SNTG2: variants seen among roughly 807,000 people sequenced by gnomAD.
SNTG2 encodes syntrophin gamma 2, also known as gamma-2-syntrophin.
SNTG2 carries 74 observed loss-of-function variants against 70.9 expected under a neutral mutation model. The ratio of observed to expected loss-of-function variants is 1.04; its 90% CI spans 0.86 to 1.27. SNTG2 has a LOEUF of 1.27. SNTG2 is among the 50% of genes most tolerant of loss of function. SNTG2 has a pLI of 0.00. For missense variants in SNTG2, 717 were observed against 690.7 expected, an observed-to-expected ratio of 1.04 and a Z score of -0.43; for synonymous variants, 278 against 273.8, an observed-to-expected ratio of 1.02 and a Z score of -0.15.
rs1230095076 is a variant in SNTG2, at chr2:1,286,007, A to G, written c.1284+18436A>G. Among the ~76,000 whole-genome samples the G allele has an allele frequency of 9.2e-5, 14 of 152,184 alleles. 1 individual carries two copies. The highest frequency in any genetic ancestry group is 7.7e-4 in the East Asian group (4 of 5,190). On this transcript the variant is annotated intron_variant, in intron 14 of 16. Coordinates refer to ENST00000308624, the MANE Select transcript of SNTG2 (RefSeq NM_018968.4). ...GATTTCATCTTGATACTCCAGGTCA[A>G]TCGCCCCAGCCAACACTGTAACTCC...
chr2:1,301,993 G>A (rs1168338293), intron 14 of SNTG2, among the ~76,000 whole-genome samples: 1 of 150,682 alleles, frequency 6.6e-6, no homozygotes, highest in Non-Finnish European at 1.5e-5. Flanking sequence ...ACAGAGTCTC[G>A]CTCTGTCACC....
intron 16 of SNTG2, among the ~76,000 whole-genome samples, chr2:1,339,370 T>C (rs936022401): frequency 3.9e-5 from 6 of 152,262 alleles, no homozygotes; most frequent in African/African-American, 1.4e-4. Context: ...TTTATTTTGA[T>C]CAAGTCCACT....
chr2:1,264,907 C>A (rs948868366), intron 13 of SNTG2, among the ~76,000 whole-genome samples: 28 of 152,266 alleles, frequency 1.8e-4, no homozygotes, highest in South Asian at 1.2e-3. Context: ...GTATAACATA[C>A]AGAATATGTG....
chr2:1,223,496 C>G (rs1433403487), intron 9 of SNTG2, among the ~76,000 whole-genome samples: 1 of 152,252 alleles, frequency 6.6e-6, no homozygotes, highest in Non-Finnish European at 1.5e-5. Flanking sequence ...CCTGGGATCC[C>G]TGTGCTCCTA....
chr2:958,022 C>G (rs1213295032), intron 1 of SNTG2, among the ~76,000 whole-genome samples: 1 of 152,120 alleles, frequency 6.6e-6, no homozygotes, highest in Non-Finnish European at 1.5e-5. Context: ...TAGAACTTAC[C>G]TAATTGCTAA....
At chr2:1,258,556 C>A (rs9330338) in intron 12 of SNTG2, among the ~76,000 whole-genome samples, 45,490 of 151,928 alleles carry the variant, frequency 0.3, 7,568 homozygotes, top group African/African-American at 0.45. Context: ...CCAGAAGGTC[C>A]CCAATTAATT....
intron 1 of SNTG2, among the ~76,000 whole-genome samples, chr2:1,039,557 C>T (rs908682491): frequency 2.0e-5 from 3 of 152,110 alleles, no homozygotes; most frequent in Admixed American, 2.0e-4. Flanking sequence ...GACTGGTCTT[C>T]CTTGTTTTCT....
rs1661219851 is a variant in SNTG2, at chr2:984,042, G to C, written c.72+32974G>C. 2.0e-5 allele frequency among the ~76,000 whole-genome samples: 3 copies of C among 152,312 alleles called. No homozygotes were observed. In the South Asian group the frequency reaches 6.2e-4, roughly 32 times the overall value. On this transcript the variant is annotated intron_variant, in intron 1 of 16. Transcript: ENST00000308624. ...CACCCCTTTGTTGAAGGGCTGCAGA[G>C]AGGGGCGGTGGCACCAAGCTGCCCC...
At chr2:1,137,124 G>A (rs1668437568) in intron 4 of SNTG2, among the ~76,000 whole-genome samples, 1 of 152,154 alleles carries the variant, frequency 6.6e-6, no homozygotes, top group South Asian at 2.1e-4. Flanking sequence ...TTATGAAGAG[G>A]CCAATCTAGC....
rs576474398 is a variant in SNTG2 at position 1,126,834 on chromosome 2, A to C, written c.326-10788A>C. Among the ~76,000 whole-genome samples the C allele has an allele frequency of 1.8e-4, 28 of 152,212 alleles. 3 individuals carry two copies. Among genetic ancestry groups the C allele is most frequent in the African/African-American group, 6.7e-4 (28 of 41,536 alleles). On this transcript the variant is annotated intron_variant, in intron 4 of 16. Coordinates refer to ENST00000308624, the MANE Select transcript of SNTG2 (RefSeq NM_018968.4). ...TAGGATTATTTGTTTTTTGCTGTCG[A>C]GAGATTTGAGTTCCTTGTATATGCT... is the stretch of plus-strand genomic sequence containing the variant.
At chr2:1,139,216 G>T (rs1304452062) in intron 6 of SNTG2, among the ~76,000 whole-genome samples, 3 of 151,950 alleles carry the variant, frequency 2.0e-5, no homozygotes, top group Admixed American at 6.5e-5. Flanking sequence ...CAGTTTTTTT[G>T]TTTGTTTGTT....
At chr2:1,112,172 T>C (rs1418798932) in intron 4 of SNTG2, among the ~76,000 whole-genome samples, 1 of 151,656 alleles carries the variant, frequency 6.6e-6, no homozygotes, top group African/African-American at 2.4e-5. Flanking sequence ...AAGGATCGTG[T>C]GTACTAAGGG....
intron 7 of SNTG2, among the ~76,000 whole-genome samples, chr2:1,169,706 G>A (rs1224350692): frequency 6.6e-6 from 1 of 152,178 alleles, no homozygotes; most frequent in Non-Finnish European, 1.5e-5. Context: ...AATGAGCGTT[G>A]CTGCCGGCAT....
intron 1 of SNTG2, among the ~76,000 whole-genome samples, chr2:1,046,511 G>A (rs569712340): frequency 5.3e-5 from 8 of 152,136 alleles, no homozygotes; most frequent in African/African-American, 1.2e-4. Flanking sequence ...TTGTTTCCAC[G>A]TTTTGCACTT....
At chr2:1,299,653 C>G (rs186344809) in intron 14 of SNTG2, among the ~76,000 whole-genome samples, 25 of 152,308 alleles carry the variant, frequency 1.6e-4, no homozygotes, top group African/African-American at 6.0e-4. Context: ...CGGAGGGACA[C>G]AAGTCATCCC....
At chr2:1,170,063 C>T (rs759782157) in intron 7 of SNTG2, among the ~76,000 whole-genome samples, 24 of 152,110 alleles carry the variant, frequency 1.6e-4, no homozygotes, top group African/African-American at 4.1e-4. Flanking sequence ...AGAAATCCAC[C>T]GAGCAGCTCC....
chr2:1,042,773 A>T (rs1351585092), intron 1 of SNTG2, among the ~76,000 whole-genome samples: 4 of 152,078 alleles, frequency 2.6e-5, no homozygotes, highest in South Asian at 2.1e-4. Flanking sequence ...TCCACTGTTG[A>T]TGGGCATCTG....
chr2:1,196,181 A>G (rs569527552), intron 8 of SNTG2, among the ~76,000 whole-genome samples: 1 of 152,188 alleles, frequency 6.6e-6, no homozygotes, highest in Non-Finnish European at 1.5e-5. Flanking sequence ...TTTTAAAAAC[A>G]AGGAAACAAA....
chr2:1,258,532 T>G (rs1189537630), intron 12 of SNTG2, among the ~76,000 whole-genome samples: 1 of 142,110 alleles, frequency 7.0e-6, no homozygotes, highest in Non-Finnish European at 1.5e-5. Flanking sequence ...AAATTTTGTT[T>G]GCTGCAAGGA....
Sources: allele counts gnomAD v4.1 joint callset (sites outside exome capture counted in the v4.1 genomes callset), GRCh38; gene constraint gnomAD v4.1.1; transcripts MANE v1.5; gene names NCBI Gene and HGNC (gene_info 2026-07-23, HGNC 2026-07-21).